The following PCDHA13 variants were observed in gnomAD, a reference collection of about 807,000 sequenced individuals.
PCDHA13 encodes protocadherin alpha 13, also known as protocadherin alpha-13.
Under a neutral mutation model 64.8 loss-of-function variants are expected in PCDHA13, and 54 were observed. The observed-to-expected ratio is 0.83, with a 90% confidence interval of 0.67 to 1.04. The LOEUF is 1.04. Among genes scored for constraint, PCDHA13 ranks in the 50% least tolerant of loss-of-function variants. The pLI is 0.00. For synonymous variants in PCDHA13, 587 were observed against 564.4 expected, an observed-to-expected ratio of 1.04 and a Z score of -0.57; for missense variants, 1,248 against 1,254.3, an observed-to-expected ratio of 0.99 and a Z score of 0.08.
intron 1 of PCDHA13, among the ~76,000 whole-genome samples, chr5:140,942,305 G>A (rs2093264176): frequency 6.6e-6 from 1 of 152,106 alleles, no homozygotes; most frequent in Non-Finnish European, 1.5e-5. Context: ...AGCTACTTGG[G>A]AGGTCGAGGC....
chr5:140,887,323 C>T (rs1209011082), intron 1 of PCDHA13, among the ~76,000 whole-genome samples: 5 of 152,084 alleles, frequency 3.3e-5, no homozygotes, highest in African/African-American at 1.2e-4. Context: ...GTCTCGAACT[C>T]CTGACCTCGT....
chr5:141,009,303 T>A (rs1040786824), intron 3 of PCDHA13, among the ~76,000 whole-genome samples: 16 of 152,050 alleles, frequency 1.1e-4, no homozygotes, highest in East Asian at 1.9e-4. Flanking sequence ...AAATTTTTTT[T>A]AAAAAGCTAG....
intron 1 of PCDHA13, among the ~76,000 whole-genome samples, chr5:140,962,255 A>G (rs991096495): frequency 2.0e-5 from 3 of 152,204 alleles, no homozygotes; most frequent in African/African-American, 7.2e-5. Flanking sequence ...TCAATGAAAA[A>G]TAATTTTATA....
chr5:140,911,165 G>A (rs931843921), intron 1 of PCDHA13, among the ~76,000 whole-genome samples: 3 of 152,178 alleles, frequency 2.0e-5, no homozygotes, highest in Non-Finnish European at 4.4e-5. Context: ...AATGTGGAAA[G>A]GCTGATGGCA....
chr5:140,892,250 T>G (rs781827855), intron 1 of PCDHA13, among the ~76,000 whole-genome samples: 2 of 152,182 alleles, frequency 1.3e-5, no homozygotes, highest in Non-Finnish European at 2.9e-5. Flanking sequence ...AACCTGGTTA[T>G]CTTTGATTTT....
At chr5:140,926,190 ACTT>A (rs1468050055) in intron 1 of PCDHA13, among the ~76,000 whole-genome samples, 2 of 151,766 alleles carry the variant, frequency 1.3e-5, no homozygotes, top group South Asian at 2.2e-4. Flanking sequence ...CCCCCGCAGC[ACTT>A]CTTTCGGGGG....
rs1554205452 is a variant in PCDHA13 at position 140,928,080 on chromosome 5, C to T, written c.2394+43418C>T. ...CGGCTTCCTTTGACAACTACTACAG[C>T]CTGCTGATTGATGGGCCCCTGGACC... On this transcript the variant is annotated intron_variant, in intron 1 of 3. Transcript: ENST00000289272. The T allele has an allele frequency of 2.5e-6, 4 of 1,614,072 alleles. No homozygotes were observed. The African/African-American group carries it at 4.0e-5, about 16-fold the overall frequency.
intron 1 of PCDHA13, among the ~76,000 whole-genome samples, chr5:140,955,283 A>G (rs1255959484): frequency 6.6e-6 from 1 of 151,774 alleles, no homozygotes; most frequent in African/African-American, 2.4e-5. Context: ...CCATATTGAT[A>G]TGGTTTGGCT....
chr5:140,945,533 A>G (rs1007849839), intron 1 of PCDHA13, among the ~76,000 whole-genome samples: 2 of 152,084 alleles, frequency 1.3e-5, no homozygotes, highest in African/African-American at 4.8e-5. Flanking sequence ...AAAACAAAAC[A>G]TACAAACAAA....
chr5:141,002,612 CA>C, intron 3 of PCDHA13, among the ~76,000 whole-genome samples: 1 of 152,178 alleles, frequency 6.6e-6, no homozygotes, highest in Non-Finnish European at 1.5e-5. Flanking sequence ...AAAACAGACA[CA>C]TAACACAGAC....
chr5:140,969,075 A>G, intron 1 of PCDHA13: 1 of 1,614,184 alleles, frequency 6.2e-7, no homozygotes, highest in Non-Finnish European at 8.5e-7. Flanking sequence ...AGGATACCGC[A>G]TGGCCTCAAA....
At chr5:140,904,399 T>C (rs1583526237) in intron 1 of PCDHA13, among the ~76,000 whole-genome samples, 1 of 151,316 alleles carries the variant, frequency 6.6e-6, no homozygotes, top group East Asian at 1.9e-4. Flanking sequence ...TTCCATGGTG[T>C]ATTATATATA....
intron 3 of PCDHA13, among the ~76,000 whole-genome samples, chr5:141,003,690 T>C (rs1441506131): frequency 2.0e-5 from 3 of 152,232 alleles, no homozygotes; most frequent in African/African-American, 7.2e-5. Flanking sequence ...TTTTAAAATA[T>C]ATCCCTACCA....
intron 1 of PCDHA13, chr5:140,926,518 C>T (rs1584446348): frequency 4.9e-6 from 1 of 202,636 alleles, no homozygotes; most frequent in Non-Finnish European, 9.8e-6. Context: ...CAGGCTCCGC[C>T]CTGCGCCCGC....
intron 1 of PCDHA13, among the ~76,000 whole-genome samples, chr5:140,962,725 T>C (rs536695569): frequency 3.2e-4 from 48 of 152,210 alleles, no homozygotes; most frequent in Non-Finnish European, 5.9e-4. Flanking sequence ...AGTATTTTCC[T>C]TCTGGGGATG....
chr5:140,885,213 AT>A (rs1364699535), intron 1 of PCDHA13, among the ~76,000 whole-genome samples: 44 of 152,178 alleles, frequency 2.9e-4, no homozygotes, highest in African/African-American at 1.0e-3. Context: ...CCCATGAAAA[AT>A]ATCTTGTGAT....
chr5:140,887,124 T>G (rs1554182893), intron 1 of PCDHA13, among the ~76,000 whole-genome samples: 2 of 151,068 alleles, frequency 1.3e-5, no homozygotes, highest in Admixed American at 6.6e-5. Flanking sequence ...TGAGACGGAG[T>G]CTCACTCTGT....
chr5:140,947,551 C>G (rs1203978810), intron 1 of PCDHA13, among the ~76,000 whole-genome samples: 3 of 151,488 alleles, frequency 2.0e-5, no homozygotes, highest in Non-Finnish European at 4.4e-5. Context: ...AAGAATTCCG[C>G]TGGGATTTAT....
intron 1 of PCDHA13, among the ~76,000 whole-genome samples, chr5:140,937,847 A>G (rs2091797551): frequency 6.8e-6 from 1 of 148,000 alleles, no homozygotes; most frequent in Non-Finnish European, 1.5e-5. Flanking sequence ...GGAAGGCGGA[A>G]CTTGGAGTGA....
Sources: gnomAD v4.1 joint callset for allele counts (sites outside exome capture counted in the v4.1 genomes callset) on GRCh38, gnomAD v4.1.1 for gene constraint, MANE v1.5 for transcripts, NCBI Gene and HGNC (gene_info 2026-07-23, HGNC 2026-07-21) for gene names.